SLC60A1: variants seen among roughly 807,000 people sequenced by gnomAD.
SLC60A1 encodes the protein solute carrier family 60 member 1, also known as major facilitator superfamily domain containing 4.
chr1:205,583,738 G>T, the SLC60A1 span, among the ~76,000 whole-genome samples: 1 of 152,216 alleles, frequency 6.6e-6, no homozygotes, highest in Non-Finnish European at 1.5e-5. Context: ...AGGGACGCGA[G>T]TATGGTGATC....
the SLC60A1 span, chr1:205,585,029 C>A: frequency 2.0e-6 from 3 of 1,538,344 alleles, no homozygotes; most frequent in Admixed American, 3.3e-5. The surrounding 1 kb of genome is among the most constrained non-coding windows in gnomAD (Gnocchi z 4.2). Flanking sequence ...ACTGGGGGAC[C>A]CTTCACCCCC....
chr1:205,591,895 G>C, the SLC60A1 span: 1 of 486,444 alleles, frequency 2.1e-6, no homozygotes, highest in Non-Finnish European at 3.7e-6. Flanking sequence ...GCTGTTAGGG[G>C]AGATGTCTAG....
At chr1:205,569,353 C>T in the SLC60A1 span, 1 of 1,300,716 alleles carries the variant, frequency 7.7e-7, no homozygotes, top group Non-Finnish European at 1.0e-6. Context: ...CCCACCCTCG[C>T]CGGGCCGACC....
chr1:205,600,802 G>T, the SLC60A1 span: 1 of 216,808 alleles, frequency 4.6e-6, no homozygotes. Context: ...ATTCTTCATT[G>T]AAGTTTGTAA....
chr1:205,570,857 A>G, the SLC60A1 span, among the ~76,000 whole-genome samples: 1 of 152,228 alleles, frequency 6.6e-6, no homozygotes, highest in African/African-American at 2.4e-5. Flanking sequence ...TAAAGAAAAT[A>G]TGTAGTGCAA....
At chr1:205,569,403 C>G in the SLC60A1 span, 2 of 795,646 alleles carry the variant, frequency 2.5e-6, no homozygotes, top group Non-Finnish European at 1.7e-6. Context: ...CCCCCGGCCC[C>G]GTGGGGCTGC....
At chr1:205,578,648 A>G in the SLC60A1 span, among the ~76,000 whole-genome samples, 1 of 152,234 alleles carries the variant, frequency 6.6e-6, no homozygotes, top group African/African-American at 2.4e-5. Flanking sequence ...GGTCAGGGGC[A>G]GAAGCTCTGG....
chr1:205,586,070 G>A, the SLC60A1 span: 10 of 1,611,918 alleles, frequency 6.2e-6, no homozygotes, highest in Middle Eastern at 1.9e-4. Flanking sequence ...CTATGCTGTG[G>A]AGAAGCCCCT....
At chr1:205,584,064 C>G in the SLC60A1 span, 6 of 1,614,088 alleles carry the variant, frequency 3.7e-6, no homozygotes, top group South Asian at 3.3e-5. Flanking sequence ...GCCTTGGAGA[C>G]ACAGCCTCCT....
chr1:205,590,606 T>A, the SLC60A1 span, among the ~76,000 whole-genome samples: 1 of 152,196 alleles, frequency 6.6e-6, no homozygotes, highest in Non-Finnish European at 1.5e-5. Flanking sequence ...GCACCGGCTT[T>A]GATTTTCCAA....
the SLC60A1 span, among the ~76,000 whole-genome samples, chr1:205,589,718 G>GT: frequency 6.6e-6 from 1 of 152,224 alleles, no homozygotes; most frequent in African/African-American, 2.4e-5. Context: ...CTACCAAAGT[G>GT]GTAGAACTAG....
the SLC60A1 span, among the ~76,000 whole-genome samples, chr1:205,582,180 G>A: frequency 6.6e-6 from 1 of 152,168 alleles, no homozygotes; most frequent in African/African-American, 2.4e-5. Context: ...AGAGACCTGC[G>A]AAGGAAAGGA....
the SLC60A1 span, among the ~76,000 whole-genome samples, chr1:205,589,172 G>A: frequency 2.0e-5 from 3 of 152,164 alleles, no homozygotes; most frequent in Admixed American, 1.3e-4. Context: ...CAGGAGTGGC[G>A]GCTTCCAAAC....
chr1:205,593,453 CAAAAAAA>C, the SLC60A1 span, among the ~76,000 whole-genome samples: 2 of 83,530 alleles, frequency 2.4e-5, no homozygotes, highest in Non-Finnish European at 4.5e-5. Flanking sequence ...GACTCTGTCT[CAAAAAAA>C]AAAAAAAAAA....
chr1:205,599,623 A>C, the SLC60A1 span, among the ~76,000 whole-genome samples: 1 of 152,230 alleles, frequency 6.6e-6, no homozygotes, highest in Non-Finnish European at 1.5e-5. Flanking sequence ...GCTGGAACTC[A>C]GCCCAACGGC....
the SLC60A1 span, chr1:205,580,654 T>C: frequency 1.9e-6 from 3 of 1,589,656 alleles, no homozygotes; most frequent in Non-Finnish European, 2.6e-6. This position sits in a 1 kb window ranked among gnomAD's most constrained non-coding sequence, Gnocchi z 5.0. Flanking sequence ...CTCTCCTCTG[T>C]CCCCAGGTGC....
chr1:205,590,211 G>GT, the SLC60A1 span, among the ~76,000 whole-genome samples: 74 of 152,308 alleles, frequency 4.9e-4, no homozygotes, highest in Non-Finnish European at 8.5e-4. Context: ...CAGGTGAAAC[G>GT]TGGAGCAGGG....
chr1:205,600,294 A>T, the SLC60A1 span: 2 of 1,127,082 alleles, frequency 1.8e-6, no homozygotes, highest in Non-Finnish European at 2.6e-6. Context: ...CTCCCTCTAG[A>T]GCCACAGAAT....
chr1:205,582,725 C>T, the SLC60A1 span, among the ~76,000 whole-genome samples: 1 of 152,316 alleles, frequency 6.6e-6, no homozygotes, highest in African/African-American at 2.4e-5. Context: ...CTGTTCTCTC[C>T]CCACTCAGGC....
Sources: allele counts gnomAD v4.1 joint callset (sites outside exome capture counted in the v4.1 genomes callset), GRCh38; gene constraint gnomAD v4.1.1; non-coding constraint Gnocchi (gnomAD v3.1); transcripts MANE v1.5; gene names NCBI Gene and HGNC (gene_info 2026-07-23, HGNC 2026-07-21).